IFRD1: variants seen among roughly 807,000 people sequenced by gnomAD.
IFRD1 encodes the protein interferon-related developmental regulator 1.
In IFRD1, 35 loss-of-function variants were observed where a neutral mutation model predicts 52.9. The ratio of observed to expected loss-of-function variants is 0.66; its 90% CI spans 0.51 to 0.88. IFRD1 has a LOEUF of 0.88. Ranked by LOEUF, IFRD1 falls within the 40% of genes least tolerant of loss-of-function variation. IFRD1 has a pLI of 0.00. For missense variants in IFRD1, 517 were observed against 550.8 expected (o/e 0.94, Z 0.61); for synonymous variants, 184 against 188.4 (o/e 0.98, Z 0.19).
chr7:112,466,821 G>GT (rs1207485248), intron 8 of IFRD1, among the ~76,000 whole-genome samples: 1 of 152,080 alleles, frequency 6.6e-6, no homozygotes, highest in Non-Finnish European at 1.5e-5. Flanking sequence ...AAATGTACTT[G>GT]TTTTTTATAA....
chr7:112,428,591 T>C (rs1237887258), intron 1 of IFRD1, among the ~76,000 whole-genome samples: 1 of 152,196 alleles, frequency 6.6e-6, no homozygotes, highest in African/African-American at 2.4e-5. Flanking sequence ...CTTGGGTGGC[T>C]GGCAAGATGA....
intron 8 of IFRD1, among the ~76,000 whole-genome samples, chr7:112,466,558 C>T (rs1011365542): frequency 6.6e-6 from 1 of 152,070 alleles, no homozygotes; most frequent in African/African-American, 2.4e-5. Context: ...CTAGTTGTGA[C>T]AACCAAAAAT....
intron 11 of IFRD1, among the ~76,000 whole-genome samples, 165 bp downstream of exon 11, chr7:112,473,026 GGGC>G (rs1795794703): frequency 7.5e-6 from 1 of 133,520 alleles, no homozygotes; most frequent in South Asian, 2.7e-4. Flanking sequence ...AGAGTGTGGG[GGGC>G]GTGTGTGTGT....
chr7:112,475,479 A>G lies in IFRD1; in HGVS notation c.1316A>G (p.Lys439Arg), dbSNP rs756365038. Residue 439 changes from lysine to arginine, a missense_variant, in exon 12 of 12, where the codon AAA becomes AGA. Lys to Arg is a conservative substitution (Grantham distance 26, BLOSUM62 2). Coordinates refer to ENST00000403825, the MANE Select transcript of IFRD1 (RefSeq NM_001550.4). ...AAAGCTCGAACCAAAGCTAGAAGCA[A>G]ATGTCGAGATAAGAGAGCAGATGTT... ...AFKARTKARSKCRDKRADVGE... is the reference protein window; with the variant it reads ...AFKARTKARSRCRDKRADVGE... The G allele has an allele frequency of 2.3e-5, 37 of 1,612,312 alleles. No individual in the cohort carries two copies. Among genetic ancestry groups the G allele is most frequent in the Non-Finnish European group, 2.9e-5 (34 of 1,178,814 alleles).
At chr7:112,445,069 T>TC (rs1794986847) in intron 1 of IFRD1, among the ~76,000 whole-genome samples, 1 of 146,840 alleles carries the variant, frequency 6.8e-6, no homozygotes, top group South Asian at 2.2e-4. Context: ...TTTCTTTTTT[T>TC]TTTTTTTTTT....
At chr7:112,434,712 T>C (rs1794630681) in intron 1 of IFRD1, among the ~76,000 whole-genome samples, 1 of 152,194 alleles carries the variant, frequency 6.6e-6, no homozygotes, top group Admixed American at 6.5e-5. Context: ...AACTACACAA[T>C]ATTTTTGCAT....
chr7:112,466,197 G>A (rs1335759550), intron 8 of IFRD1, among the ~76,000 whole-genome samples: 1 of 151,924 alleles, frequency 6.6e-6, no homozygotes, highest in South Asian at 2.1e-4. Flanking sequence ...TAGGCTTTTG[G>A]AAGCTGTTTA....
chr7:112,472,637 A>G, intron 10 of IFRD1, 129 bp from the exon 11 acceptor site: 1 of 762,564 alleles, frequency 1.3e-6, no homozygotes, highest in Non-Finnish European at 2.3e-6. Context: ...CTATTGAGAA[A>G]CAGAAAATAA....
chr7:112,429,098 CCTAT>C (rs1794492021), intron 1 of IFRD1, among the ~76,000 whole-genome samples: 1 of 152,212 alleles, frequency 6.6e-6, no homozygotes, highest in Non-Finnish European at 1.5e-5. Context: ...GGTTCTTAGA[CCTAT>C]CTACCAATTG....
chr7:112,435,519 T>C (rs1794653924), intron 1 of IFRD1: 1 of 152,172 alleles, frequency 6.6e-6, no homozygotes, highest in Non-Finnish European at 1.5e-5. Flanking sequence ...TTTTTCTAGC[T>C]GAATGTCATC....
At chr7:112,439,773 TTTATAAGAGGAATCAA>T (rs1437174862) in intron 1 of IFRD1, among the ~76,000 whole-genome samples, 4 of 152,216 alleles carry the variant, frequency 2.6e-5, no homozygotes, top group South Asian at 2.1e-4. Context: ...GAATAAACCA[TTTATAAGAGGAATCAA>T]TTATAAGAGG....
intron 1 of IFRD1, among the ~76,000 whole-genome samples, chr7:112,425,502 T>A (rs1179124152): frequency 6.6e-6 from 1 of 152,136 alleles, no homozygotes; most frequent in Non-Finnish European, 1.5e-5. Flanking sequence ...CAATTCTAGG[T>A]TCTTTGGCTT....
intron 1 of IFRD1, among the ~76,000 whole-genome samples, chr7:112,429,934 C>T (rs1052833595): frequency 6.6e-6 from 1 of 152,158 alleles, no homozygotes; most frequent in Non-Finnish European, 1.5e-5. Context: ...ACTTCTGAGC[C>T]ATAGAGCATA....
chr7:112,443,323 A>G (rs954222729), intron 1 of IFRD1, among the ~76,000 whole-genome samples: 1 of 136,472 alleles, frequency 7.3e-6, no homozygotes, highest in African/African-American at 2.8e-5. Context: ...GTGGTGGTTC[A>G]TGCCTGTAAT....
At chr7:112,456,139 A>G (rs960317074) in intron 3 of IFRD1, 53 bp downstream of exon 3, 1 of 983,516 alleles carries the variant, frequency 1.0e-6, no homozygotes. Context: ...GATCTTAGTC[A>G]AAAGCTAAGA....
intron 1 of IFRD1, 63 bp downstream of exon 1, chr7:112,450,845 T>A (rs886273633): frequency 8.8e-7 from 1 of 1,130,444 alleles, no homozygotes; most frequent in African/African-American, 1.5e-5. Context: ...CTTCCATGCT[T>A]CGGCACGGTG....
intron 1 of IFRD1, among the ~76,000 whole-genome samples, chr7:112,441,763 G>A (rs151015823): frequency 1.3e-4 from 20 of 152,224 alleles, no homozygotes; most frequent in African/African-American, 2.6e-4. Context: ...CTGAGCTCTC[G>A]TGCTAGACTA....
chr7:112,458,855 T>C lies in IFRD1; in HGVS notation c.410-6T>C, dbSNP rs1447315026. The C allele has an allele frequency of 2.5e-6, 4 of 1,613,706 alleles. No individual in the cohort carries two copies. The highest frequency in any genetic ancestry group is 3.4e-6 in the Non-Finnish European group (4 of 1,179,684). ...TATCGTGATTGCATCTTGGCTGCTT[T>C]TATAGGTAAGAGTGATGAGCAACGT... On this transcript the variant is annotated splice_polypyrimidine_tract_variant and splice_region_variant and intron_variant, in intron 4 of 11. Coordinates refer to ENST00000403825, the MANE Select transcript of IFRD1 (RefSeq NM_001550.4).
intron 8 of IFRD1, chr7:112,467,388 T>C (rs1795637899): frequency 6.5e-6 from 1 of 153,194 alleles, no homozygotes; most frequent in African/African-American, 2.4e-5. Context: ...ATAGCCACGT[T>C]AACTGTGACA....
Sources: allele counts gnomAD v4.1 joint callset (sites outside exome capture counted in the v4.1 genomes callset), GRCh38; gene constraint gnomAD v4.1.1; transcripts MANE v1.5; gene names NCBI Gene and HGNC (gene_info 2026-07-23, HGNC 2026-07-21).